SGCZ: variants seen among roughly 807,000 people sequenced by gnomAD.
SGCZ encodes the protein sarcoglycan zeta.
SGCZ carries 40 observed loss-of-function variants against 41.3 expected under a neutral mutation model. The observed-to-expected ratio is 0.97, with a 90% CI of 0.75 to 1.26. The LOEUF is 1.26. Ranked by LOEUF, SGCZ falls within the 50% of genes most tolerant of loss-of-function variation. The pLI is 0.00. For synonymous variants in SGCZ, 206 were observed against 137.5 expected, an observed-to-expected ratio of 1.50 and a Z score of -3.49; for missense variants, 552 against 369.8, an observed-to-expected ratio of 1.49 and a Z score of -4.04.
chr8:14,563,731 T>A (rs1804275944), intron 1 of SGCZ, among the ~76,000 whole-genome samples: 1 of 152,158 alleles, frequency 6.6e-6, no homozygotes, highest in African/African-American at 2.4e-5. Flanking sequence ...ACTCTCGAGC[T>A]TTGTACAAAA....
At chr8:14,857,278 CT>C (rs1183466537) in intron 1 of SGCZ, among the ~76,000 whole-genome samples, 23 of 152,262 alleles carry the variant, frequency 1.5e-4, no homozygotes, top group African/African-American at 4.6e-4. Context: ...CTGAACCTCA[CT>C]TAAACCTCTT....
intron 1 of SGCZ, among the ~76,000 whole-genome samples, chr8:15,133,260 T>C (rs1807980624): frequency 6.6e-6 from 1 of 152,230 alleles, no homozygotes; most frequent in Non-Finnish European, 1.5e-5. Context: ...TTTTGGTATG[T>C]GTTTTTGATA....
intron 1 of SGCZ, among the ~76,000 whole-genome samples, chr8:14,817,369 C>T (rs1303541124): frequency 6.6e-6 from 1 of 152,154 alleles, no homozygotes; most frequent in Non-Finnish European, 1.5e-5. Context: ...TAAGAGAGCC[C>T]CCAGTCCTCA....
intron 1 of SGCZ, among the ~76,000 whole-genome samples, chr8:14,768,458 A>C (rs1800115323): frequency 6.6e-6 from 1 of 152,262 alleles, no homozygotes; most frequent in Admixed American, 6.5e-5. Flanking sequence ...GAATAACAAT[A>C]GAACAAAGAT....
intron 3 of SGCZ, chr8:14,319,597 T>G (rs373732096): frequency 3.9e-5 from 6 of 151,976 alleles, no homozygotes; most frequent in Non-Finnish European, 7.4e-5. Context: ...ATTGGACTAA[T>G]GAACTGAGAA....
At chr8:14,166,473 A>T (rs1804214076) in intron 4 of SGCZ, among the ~76,000 whole-genome samples, 1 of 152,180 alleles carries the variant, frequency 6.6e-6, no homozygotes, top group Non-Finnish European at 1.5e-5. Context: ...GTGTTAATAC[A>T]TGTGACTTAC....
intron 3 of SGCZ, among the ~76,000 whole-genome samples, chr8:14,286,172 T>G (rs1447115446): frequency 1.3e-5 from 2 of 152,140 alleles, no homozygotes; most frequent in Non-Finnish European, 2.9e-5. Flanking sequence ...TTTGCTTCCT[T>G]GCATGGTATT....
At chr8:14,303,331 G>A (rs1463192016) in intron 3 of SGCZ, among the ~76,000 whole-genome samples, 1 of 151,830 alleles carries the variant, frequency 6.6e-6, no homozygotes, top group East Asian at 1.9e-4. Flanking sequence ...GGGAGGTTAG[G>A]GTTACTTTGA....
chr8:15,234,442 T>C (rs190970896), intron 1 of SGCZ, among the ~76,000 whole-genome samples: 59 of 152,206 alleles, frequency 3.9e-4, no homozygotes, highest in Non-Finnish European at 5.1e-4. Flanking sequence ...GAAACAGAGA[T>C]CAAAGGGAAA....
intron 1 of SGCZ, among the ~76,000 whole-genome samples, chr8:14,713,669 A>G (rs1585202666): frequency 6.6e-6 from 1 of 150,616 alleles, no homozygotes; most frequent in Middle Eastern, 3.4e-3. Flanking sequence ...CAACCCTTAA[A>G]AACAGTAATA....
chr8:14,423,347 C>G (rs1051148818), intron 2 of SGCZ, among the ~76,000 whole-genome samples: 1 of 151,842 alleles, frequency 6.6e-6, no homozygotes, highest in African/African-American at 2.4e-5. Flanking sequence ...AAACTGTATC[C>G]TACTTAATTT....
intron 2 of SGCZ, among the ~76,000 whole-genome samples, chr8:14,416,218 A>G (rs1035816005): frequency 2.6e-5 from 4 of 151,930 alleles, no homozygotes; most frequent in African/African-American, 7.2e-5. Flanking sequence ...TCTTGCCAGA[A>G]GGCCTCCTTT....
At chr8:14,198,218 C>T (rs1477193419) in intron 4 of SGCZ, among the ~76,000 whole-genome samples, 1 of 152,174 alleles carries the variant, frequency 6.6e-6, no homozygotes, top group East Asian at 1.9e-4. Context: ...TGTCTAGCAT[C>T]TCCATGCTGT....
intron 2 of SGCZ, among the ~76,000 whole-genome samples, chr8:14,398,740 T>G (rs969816717): frequency 1.3e-4 from 20 of 152,194 alleles, no homozygotes; most frequent in Non-Finnish European, 2.5e-4. Context: ...ATATGCATTG[T>G]TAAACTACAG....
At chr8:14,792,558 T>C (rs1333839944) in intron 1 of SGCZ, among the ~76,000 whole-genome samples, 1 of 151,990 alleles carries the variant, frequency 6.6e-6, no homozygotes, top group Non-Finnish European at 1.5e-5. Context: ...ATCTTTCTTT[T>C]TTTATTTTAT....
rs1161671264 is a variant in SGCZ at position 14,443,488 on chromosome 8, G to C, written c.234+111244C>G. Among the ~76,000 whole-genome samples, 4 of 152,140 alleles carry C rather than the reference G, an allele frequency of 2.6e-5. No homozygotes were observed. The East Asian group carries it at 7.7e-4, about 29-fold the overall frequency. On this transcript the variant is annotated intron_variant, in intron 2 of 7. Transcript: ENST00000382080. ...ATATAGATCAATGGAACAGAACAGA[G>C]CCCTCAGAAATAACACCGCATATCT...
intron 1 of SGCZ, among the ~76,000 whole-genome samples, chr8:14,886,288 A>T (rs1374844727): frequency 6.6e-6 from 1 of 151,970 alleles, no homozygotes; most frequent in East Asian, 1.9e-4. Flanking sequence ...CATAGAATAA[A>T]CTAGCAAAAA....
intron 3 of SGCZ, among the ~76,000 whole-genome samples, chr8:14,275,335 T>C (rs574793695): frequency 2.6e-5 from 4 of 152,280 alleles, no homozygotes; most frequent in African/African-American, 4.8e-5. Flanking sequence ...CAAAACCCAA[T>C]GAGTTTTCAG....
chr8:14,308,282 T>C (rs907327830), intron 3 of SGCZ, among the ~76,000 whole-genome samples: 1 of 151,830 alleles, frequency 6.6e-6, no homozygotes, highest in African/African-American at 2.4e-5. Flanking sequence ...AAAGGTGAAG[T>C]CATGACAATA....
Sources: gnomAD v4.1 joint callset for allele counts (sites outside exome capture counted in the v4.1 genomes callset) on GRCh38, gnomAD v4.1.1 for gene constraint, MANE v1.5 for transcripts, NCBI Gene and HGNC (gene_info 2026-07-23, HGNC 2026-07-21) for gene names.